The following PLCB1 variants were observed in gnomAD, a reference collection of about 807,000 sequenced individuals.
PLCB1 encodes 1-phosphatidylinositol 4,5-bisphosphate phosphodiesterase beta-1.
A neutral mutation model predicts 161.8 loss-of-function variants in PLCB1; 46 were observed. That is an observed-to-expected ratio of 0.28 (90% CI 0.22 to 0.36). The LOEUF (loss-of-function observed/expected upper bound fraction) is 0.36. Ranked by LOEUF, PLCB1 falls within the 10% of genes least tolerant of loss-of-function variation. The probability of loss-of-function intolerance (pLI) is 1.00; values close to 1 mark genes in which losing one functional copy is unlikely to be tolerated. For synonymous variants in PLCB1, 517 were observed against 503.7 expected (o/e 1.03, Z -0.35); for missense variants, 1,016 against 1,472.5 (o/e 0.69, Z 5.07).
chr20:8,731,865 A>G (rs1980266610), intron 18 of PLCB1, among the ~76,000 whole-genome samples: 2 of 142,992 alleles, frequency 1.4e-5, no homozygotes, highest in Non-Finnish European at 3.1e-5. Context: ...AGTTATGTTT[A>G]TAAAATAATA....
rs56097941 is a variant in PLCB1 at position 8,416,929 on chromosome 20, TACACACAC to T, written c.246+45513_246+45520del. ...CTCTTTTACAGTTGAAGAGACAGAATACACACACACACACACACACACACACACACACA... is the reference window on the plus strand; with the variant it reads ...CTCTTTTACAGTTGAAGAGACAGAATACACACACACACACACACACACACA... On this transcript the variant is annotated intron_variant, in intron 3 of 31. Coordinates refer to ENST00000338037, the MANE Select transcript of PLCB1 (RefSeq NM_015192.4). 6.6e-3 allele frequency among the ~76,000 whole-genome samples: 836 copies of T among 126,432 alleles called. 6 individuals carry two copies. Among genetic ancestry groups the T allele is most frequent in the African/African-American group, 0.02 (664 of 33,936 alleles). The allele number at this position is 126,432 out of a possible 152,430, so 82.9% of individuals were successfully genotyped here. A position where few individuals can be genotyped will look rare whatever the true frequency, so the allele number is the denominator to read the frequency against.
At chr20:8,583,267 G>A (rs1399183132) in intron 3 of PLCB1, among the ~76,000 whole-genome samples, 1 of 152,046 alleles carries the variant, frequency 6.6e-6, no homozygotes, top group East Asian at 1.9e-4. Flanking sequence ...AAGAGTTCTG[G>A]GGATGGATAC....
intron 9 of PLCB1, 41 bp downstream of exon 9, chr20:8,658,745 T>C (rs1397806980): frequency 2.6e-6 from 4 of 1,529,488 alleles, no homozygotes; most frequent in Non-Finnish European, 3.5e-6. Context: ...CTCTTGTTTC[T>C]GATTGGGGGT....
chr20:8,676,997 C>G (rs1990096765), intron 9 of PLCB1, among the ~76,000 whole-genome samples: 1 of 151,856 alleles, frequency 6.6e-6, no homozygotes, highest in Admixed American at 6.6e-5. Context: ...CTGTTAAACA[C>G]AAAAACAAAG....
intron 2 of PLCB1, among the ~76,000 whole-genome samples, chr20:8,196,621 T>C (rs1290170675): frequency 2.0e-5 from 3 of 151,020 alleles, no homozygotes; most frequent in African/African-American, 7.3e-5. Context: ...ACTCCTTCTG[T>C]CTAACAGCCT....
intron 31 of PLCB1, among the ~76,000 whole-genome samples, chr20:8,868,007 G>A (rs935015529): frequency 6.6e-6 from 1 of 151,984 alleles, no homozygotes; most frequent in African/African-American, 2.4e-5. Flanking sequence ...ATATTTCCTT[G>A]TTTATTAGCA....
intron 26 of PLCB1, among the ~76,000 whole-genome samples, chr20:8,771,861 T>TTTCCTTCCTCCCTTCG (rs1555789377): frequency 7.7e-6 from 1 of 130,162 alleles, no homozygotes; most frequent in Admixed American, 7.7e-5. Flanking sequence ...ATTGAATTTG[T>TTTCCTTCCTCCCTTCG]TTCCTTCCTT....
At chr20:8,315,244 G>GTA (rs1304568302) in intron 2 of PLCB1, among the ~76,000 whole-genome samples, 3 of 152,146 alleles carry the variant, frequency 2.0e-5, no homozygotes, top group Admixed American at 6.5e-5. Flanking sequence ...TATATGTAGG[G>GTA]ACAGAAAAGG....
At chr20:8,622,325 C>A (rs1367486983) in intron 3 of PLCB1, among the ~76,000 whole-genome samples, 1 of 151,768 alleles carries the variant, frequency 6.6e-6, no homozygotes, top group African/African-American at 2.4e-5. Flanking sequence ...CCATAGAATA[C>A]ATGAAGATTA....
chr20:8,201,541 T>C (rs889107809), intron 2 of PLCB1, among the ~76,000 whole-genome samples: 2 of 152,126 alleles, frequency 1.3e-5, no homozygotes, highest in African/African-American at 4.8e-5. Context: ...TCTACGTAAT[T>C]CAACATTATG....
chr20:8,231,532 A>G (rs1381111313), intron 2 of PLCB1, among the ~76,000 whole-genome samples: 1 of 152,158 alleles, frequency 6.6e-6, no homozygotes, highest in African/African-American at 2.4e-5. Flanking sequence ...CCTGCACACA[A>G]TTGGCACTAT....
chr20:8,677,974 A>G (rs1990127547), intron 9 of PLCB1, among the ~76,000 whole-genome samples: 1 of 152,236 alleles, frequency 6.6e-6, no homozygotes, highest in South Asian at 2.1e-4. Context: ...AAGAAAACAG[A>G]AATTAATCAA....
chr20:8,869,595 C>G (rs529938341), intron 31 of PLCB1, among the ~76,000 whole-genome samples: 3 of 152,186 alleles, frequency 2.0e-5, no homozygotes, highest in Non-Finnish European at 4.4e-5. Flanking sequence ...GAACTTAATG[C>G]ACACTTTTGA....
chr20:8,867,018 A>C (rs1987451652), intron 31 of PLCB1, among the ~76,000 whole-genome samples: 1 of 152,228 alleles, frequency 6.6e-6, no homozygotes, highest in African/African-American at 2.4e-5. Context: ...ATTTATAAAA[A>C]GAAAAAGAAA....
chr20:8,493,023 AT>A (rs768265774), intron 3 of PLCB1, among the ~76,000 whole-genome samples: 1 of 151,994 alleles, frequency 6.6e-6, no homozygotes, highest in Non-Finnish European at 1.5e-5. Context: ...TCTCCAGCTG[AT>A]TTCTTTCCCA....
chr20:8,360,367 T>C (rs1986496388), intron 2 of PLCB1, among the ~76,000 whole-genome samples: 2 of 152,172 alleles, frequency 1.3e-5, no homozygotes, highest in Admixed American at 1.3e-4. Flanking sequence ...CAGGCTAGTA[T>C]CAATAGAGGT....
chr20:8,298,601 T>G (rs1224133254), intron 2 of PLCB1, among the ~76,000 whole-genome samples: 1 of 152,028 alleles, frequency 6.6e-6, no homozygotes, highest in Non-Finnish European at 1.5e-5. Context: ...GCTTTTTTTT[T>G]TTTTCCTCAA....
At chr20:8,620,747 C>CAAAAAAAAAAAAAAAAAAA (rs779029928) in intron 3 of PLCB1, among the ~76,000 whole-genome samples, 1 of 75,246 alleles carries the variant, frequency 1.3e-5, no homozygotes, top group African/African-American at 5.4e-5. Flanking sequence ...CTGCCCCCAC[C>CAAAAAAAAAAAAAAAAAAA]AAAAAAAAAA....
chr20:8,446,250 C>T (rs1311070298), intron 3 of PLCB1, among the ~76,000 whole-genome samples: 1 of 152,106 alleles, frequency 6.6e-6, no homozygotes, highest in African/African-American at 2.4e-5. Flanking sequence ...AAGGCTGGTT[C>T]AACATATGCA....
Sources: allele counts gnomAD v4.1 joint callset (sites outside exome capture counted in the v4.1 genomes callset), GRCh38; gene constraint gnomAD v4.1.1; transcripts MANE v1.5; gene names NCBI Gene and HGNC (gene_info 2026-07-23, HGNC 2026-07-21).